The following YES1 variants were observed in gnomAD, a reference collection of about 807,000 sequenced individuals.
The protein encoded by YES1 is tyrosine-protein kinase Yes.
A neutral mutation model predicts 70.4 loss-of-function variants in YES1; 39 were observed. The ratio of observed to expected loss-of-function variants is 0.55; its 90% CI spans 0.43 to 0.72. YES1 has a LOEUF of 0.72. YES1 is among the 30% of genes least tolerant of loss of function. YES1 has a pLI of 0.00. For missense variants in YES1, 495 were observed against 644.8 expected, an observed-to-expected ratio of 0.77 and a Z score of 2.52; for synonymous variants, 198 against 218.6, an observed-to-expected ratio of 0.91 and a Z score of 0.83.
At position 766,639 on chromosome 18, in the gene YES1, T is replaced by G. The variant is rs1904922899; in HGVS notation, c.-8-9804A>C. Among the ~76,000 whole-genome samples, 4 of 152,044 alleles carry G rather than the reference T, an allele frequency of 2.6e-5. No individual in the cohort carries two copies. The South Asian group carries it at 8.3e-4, about 32-fold the overall frequency. ...CTAATTGGTATGTAGTGATATCCCT[T>G]TGTGGTTTTTACATTTCCCTAATGA... On this transcript the variant is annotated intron_variant, in intron 1 of 11. Transcript: ENST00000314574.
At chr18:781,663 C>T (rs984472336) in intron 1 of YES1, among the ~76,000 whole-genome samples, 12 of 152,204 alleles carry the variant, frequency 7.9e-5, no homozygotes, top group African/African-American at 1.2e-4. Context: ...TGAATACAAA[C>T]TGACTTTGGA....
At chr18:761,205 C>A (rs140639171) in intron 1 of YES1, among the ~76,000 whole-genome samples, 210 of 151,230 alleles carry the variant, frequency 1.4e-3, no homozygotes, top group African/African-American at 4.8e-3. Flanking sequence ...TTCCCCACCC[C>A]ACTTTCTGTC....
At chr18:812,707 C>G (rs1177826055), upstream of YES1, among the ~76,000 whole-genome samples, 1 of 152,186 alleles carries the variant, frequency 6.6e-6, no homozygotes, top group African/African-American at 2.4e-5. Context: ...TGGAGCGCTC[C>G]GATTCTGCCC....
chr18:758,103 T>TA (rs1311874781), intron 1 of YES1, among the ~76,000 whole-genome samples: 5 of 152,124 alleles, frequency 3.3e-5, no homozygotes, highest in African/African-American at 7.2e-5. Context: ...GTAGCCATAT[T>TA]AAAAAAATAC....
At chr18:769,438 AC>A (rs765122899) in intron 1 of YES1, among the ~76,000 whole-genome samples, 1 of 152,074 alleles carries the variant, frequency 6.6e-6, no homozygotes, top group Non-Finnish European at 1.5e-5. Context: ...TTATTCACTG[AC>A]TAGTACCTCC....
intron 11 of YES1, among the ~76,000 whole-genome samples, chr18:729,667 C>T (rs1369392307): frequency 6.9e-6 from 1 of 144,092 alleles, no homozygotes; most frequent in Non-Finnish European, 1.5e-5. Context: ...CGCTCTGTCA[C>T]CCAGGCCAGA....
chr18:728,658 T>TG (rs1378558046), intron 11 of YES1, among the ~76,000 whole-genome samples: 1 of 152,186 alleles, frequency 6.6e-6, no homozygotes, highest in Non-Finnish European at 1.5e-5. Context: ...TCCAAGTAGC[T>TG]GGTACTACAG....
chr18:739,979 G>A (rs1400292283), intron 8 of YES1, among the ~76,000 whole-genome samples, 168 bp from the exon 9 acceptor site: 1 of 152,018 alleles, frequency 6.6e-6, no homozygotes, highest in East Asian at 1.9e-4. Flanking sequence ...CCTAGAAGAG[G>A]TCTCTAAGCT....
intron 2 of YES1, among the ~76,000 whole-genome samples, chr18:752,892 G>A (rs901961770): frequency 7.0e-4 from 106 of 152,210 alleles, no homozygotes; most frequent in African/African-American, 2.4e-3. Flanking sequence ...GCCATGAGCC[G>A]AGATTATGCC....
chr18:793,134 G>A (rs1293516101), intron 1 of YES1, among the ~76,000 whole-genome samples: 1 of 151,264 alleles, frequency 6.6e-6, no homozygotes, highest in East Asian at 1.9e-4. Context: ...CCACCTCCCG[G>A]GTTCAAGCGA....
At chr18:732,721 A>AG (rs2080106909) in intron 11 of YES1, 113 bp downstream of exon 11, 1 of 1,357,984 alleles carries the variant, frequency 7.4e-7, no homozygotes. Context: ...AGGGAGAGGC[A>AG]GGGGGACTAT....
intron 11 of YES1, among the ~76,000 whole-genome samples, chr18:730,849 C>T (rs2080079739): frequency 6.6e-6 from 1 of 152,098 alleles, no homozygotes; most frequent in East Asian, 1.9e-4. Context: ...TGTTGCATGG[C>T]TGTGTGGTTT....
intron 1 of YES1, among the ~76,000 whole-genome samples, chr18:767,331 T>G (rs1291545033): frequency 3.9e-5 from 6 of 152,122 alleles, no homozygotes; most frequent in Non-Finnish European, 8.8e-5. Context: ...TGTATTTTTT[T>G]GTAAGGACAG....
intron 11 of YES1, among the ~76,000 whole-genome samples, chr18:726,010 T>C (rs907831798): frequency 1.3e-5 from 2 of 152,236 alleles, no homozygotes; most frequent in Admixed American, 6.5e-5. Context: ...ATTGAACTTC[T>C]TTTCCATTCT....
chr18:763,251 T>C (rs1048952166), intron 1 of YES1, among the ~76,000 whole-genome samples: 6 of 152,144 alleles, frequency 3.9e-5, no homozygotes, highest in African/African-American at 1.4e-4. Flanking sequence ...CAGGGAGCAT[T>C]AGGAATCCAG....
intron 3 of YES1, among the ~76,000 whole-genome samples, chr18:750,777 T>C (rs1373092657): frequency 6.6e-6 from 1 of 152,046 alleles, no homozygotes; most frequent in Admixed American, 6.6e-5. Context: ...ACATATTAAC[T>C]ATATTTTGAA....
chr18:773,555 G>A (rs146833025), intron 1 of YES1, among the ~76,000 whole-genome samples: 130 of 152,326 alleles, frequency 8.5e-4, no homozygotes, highest in Non-Finnish European at 1.7e-3. Flanking sequence ...TGGTAAGACA[G>A]TGAGGAAAGA....
chr18:757,596 C>T (rs1018899389), intron 1 of YES1, among the ~76,000 whole-genome samples: 1 of 151,468 alleles, frequency 6.6e-6, no homozygotes, highest in Non-Finnish European at 1.5e-5. Context: ...CTAGGCGGAC[C>T]GATCACTTGA....
chr18:785,514 G>A (rs539889856), intron 1 of YES1, among the ~76,000 whole-genome samples: 7 of 152,220 alleles, frequency 4.6e-5, no homozygotes, highest in African/African-American at 1.7e-4. Flanking sequence ...TCTGAATTCT[G>A]GTAGTAGGGC....
Sources: gnomAD v4.1 joint callset for allele counts (sites outside exome capture counted in the v4.1 genomes callset) on GRCh38, gnomAD v4.1.1 for gene constraint, MANE v1.5 for transcripts, NCBI Gene and HGNC (gene_info 2026-07-23, HGNC 2026-07-21) for gene names.